The following CSTF3 variants were observed in gnomAD, a reference collection of about 807,000 sequenced individuals.
CSTF3 encodes the protein cleavage stimulation factor subunit 3.
CSTF3 carries 29 observed loss-of-function variants against 105.8 expected under a neutral mutation model. That is an observed-to-expected ratio of 0.27 (90% confidence interval 0.20 to 0.37). The LOEUF (loss-of-function observed/expected upper bound fraction) is 0.37. Among genes scored for constraint, CSTF3 ranks in the 10% least tolerant of loss-of-function variants. CSTF3 has a pLI of 1.00. For synonymous variants in CSTF3, 252 were observed against 281.9 expected, an observed-to-expected ratio of 0.89 and a Z score of 1.06; for missense variants, 357 against 879.3, an observed-to-expected ratio of 0.41 and a Z score of 7.51.
intron 1 of CSTF3, among the ~76,000 whole-genome samples, chr11:33,157,071 G>A (rs1849875586): frequency 6.6e-6 from 1 of 152,048 alleles, no homozygotes; most frequent in African/African-American, 2.4e-5. Context: ...AAACACCACA[G>A]GCTGGGCGCA....
At chr11:33,091,092 G>A (rs1855164707) in intron 16 of CSTF3, among the ~76,000 whole-genome samples, 1 of 152,162 alleles carries the variant, frequency 6.6e-6, no homozygotes, top group African/African-American at 2.4e-5. Context: ...TCTAGGTGGA[G>A]AAGTTGGAAA....
intron 3 of CSTF3, among the ~76,000 whole-genome samples, chr11:33,137,108 CG>C (rs1327103228): frequency 2.6e-5 from 4 of 151,782 alleles, no homozygotes; most frequent in East Asian, 1.9e-4. Flanking sequence ...GAGTTTAAAA[CG>C]TAAGAGTCTT....
intron 17 of CSTF3, 112 bp from the exon 18 acceptor site, chr11:33,087,253 A>C: frequency 9.2e-7 from 1 of 1,082,192 alleles, no homozygotes; most frequent in Non-Finnish European, 1.4e-6. Flanking sequence ...CCACAGAAAG[A>C]AAATGGAGAC....
intron 9 of CSTF3, among the ~76,000 whole-genome samples, chr11:33,102,670 T>G (rs1855291565): frequency 6.6e-6 from 1 of 152,162 alleles, no homozygotes; most frequent in Non-Finnish European, 1.5e-5. Flanking sequence ...AAACTGTCTT[T>G]TAAAATTTCA....
intron 3 of CSTF3, among the ~76,000 whole-genome samples, chr11:33,125,554 A>T (rs1270167565): frequency 6.6e-6 from 1 of 152,190 alleles, no homozygotes; most frequent in East Asian, 1.9e-4. Context: ...CATAAAGAAC[A>T]TCTCAGGATT....
At chr11:33,092,636 G>A (rs143627598) in intron 15 of CSTF3, among the ~76,000 whole-genome samples, 75 of 152,186 alleles carry the variant, frequency 4.9e-4, no homozygotes, top group Non-Finnish European at 9.7e-4. Flanking sequence ...TAACAGTGCC[G>A]TCTGAACCAG....
intron 3 of CSTF3, among the ~76,000 whole-genome samples, chr11:33,122,434 AT>A (rs763013432): frequency 1.3e-5 from 2 of 152,262 alleles, no homozygotes; most frequent in African/African-American, 2.4e-5. Flanking sequence ...CAGGAAAAAA[AT>A]ATATATGTAC....
At chr11:33,154,487 CTTT>C (rs1554953317) in intron 1 of CSTF3, among the ~76,000 whole-genome samples, 1 of 30,634 alleles carries the variant, frequency 3.3e-5, no homozygotes, top group East Asian at 9.0e-4. Context: ...CTCCGTAAGA[CTTT>C]CTTTTTTTTT....
intron 1 of CSTF3, among the ~76,000 whole-genome samples, chr11:33,150,850 T>C (rs1192757684): frequency 1.3e-5 from 2 of 150,310 alleles, no homozygotes; most frequent in African/African-American, 4.9e-5. Context: ...GGCCAGACCC[T>C]GTCTCAAAAA....
Position 33,137,321 on chromosome 11 carries a change from G to A in CSTF3, c.225+4346C>T, listed in dbSNP as rs189767893. Among the ~76,000 whole-genome samples the A allele has an allele frequency of 2.6e-5, 4 of 151,864 alleles. No homozygotes were observed. In the East Asian group the frequency reaches 5.8e-4, roughly 22 times the overall value. ...TAGAAAACATACAGTTTTATTTAAA[G>A]AAATGTCATTATCTAAGTGACTACA... On this transcript the variant is annotated intron_variant, in intron 3 of 20. Coordinates refer to ENST00000323959, the MANE Select transcript of CSTF3 (RefSeq NM_001326.3).
At chr11:33,129,914 A>G (rs1006185610) in intron 3 of CSTF3, among the ~76,000 whole-genome samples, 9 of 152,240 alleles carry the variant, frequency 5.9e-5, no homozygotes, top group African/African-American at 1.7e-4. Context: ...CAACTGAGGA[A>G]TATCAGGTAG....
intron 3 of CSTF3, among the ~76,000 whole-genome samples, chr11:33,117,930 AC>A: frequency 6.6e-6 from 1 of 152,068 alleles, no homozygotes; most frequent in African/African-American, 2.4e-5. Flanking sequence ...ATAACTGTTG[AC>A]CAAAACTATT....
chr11:33,123,404 T>C (rs1417299822), intron 3 of CSTF3, among the ~76,000 whole-genome samples: 1 of 152,120 alleles, frequency 6.6e-6, no homozygotes, highest in Admixed American at 6.5e-5. Context: ...TTTACAGGAT[T>C]ATCAATGGGA....
chr11:33,156,389 T>C (rs1034433097), intron 1 of CSTF3, among the ~76,000 whole-genome samples: 4 of 152,224 alleles, frequency 2.6e-5, no homozygotes, highest in Admixed American at 6.5e-5. Flanking sequence ...AGTACTAATG[T>C]TTACCTAACG....
At chr11:33,117,712 A>G (rs1001936515) in intron 3 of CSTF3, among the ~76,000 whole-genome samples, 6 of 151,918 alleles carry the variant, frequency 3.9e-5, no homozygotes, top group African/African-American at 1.2e-4. Context: ...AGAAAATTTG[A>G]GAACCTATAT....
intron 3 of CSTF3, among the ~76,000 whole-genome samples, chr11:33,109,984 G>A (rs1855363921): frequency 6.6e-6 from 1 of 152,088 alleles, no homozygotes; most frequent in African/African-American, 2.4e-5. Context: ...GCCTATTACT[G>A]TATTTGGTTC....
intron 8 of CSTF3, 108 bp downstream of exon 8, chr11:33,105,459 T>TA (rs963425457): frequency 7.4e-6 from 8 of 1,075,404 alleles, no homozygotes; most frequent in African/African-American, 3.2e-5. Context: ...TTACAATCAA[T>TA]AAAAAAAGTG....
chr11:33,098,855 C>T (rs1293434370), intron 12 of CSTF3, 91 bp from the exon 13 acceptor site: 8 of 1,231,128 alleles, frequency 6.5e-6, no homozygotes, highest in African/African-American at 1.6e-5. Context: ...TAACCTCCCA[C>T]CCCCAATGGC....
chr11:33,096,661 G>T (rs1045855640), intron 14 of CSTF3, among the ~76,000 whole-genome samples, 174 bp downstream of exon 14: 19 of 152,162 alleles, frequency 1.2e-4, no homozygotes, highest in Admixed American at 1.2e-3. Context: ...GCATAAATTA[G>T]CAAGTAGTTG....
Sources: gnomAD v4.1 joint callset for allele counts (sites outside exome capture counted in the v4.1 genomes callset) on GRCh38, gnomAD v4.1.1 for gene constraint, MANE v1.5 for transcripts, NCBI Gene and HGNC (gene_info 2026-07-23, HGNC 2026-07-21) for gene names.